RAD51B: variants seen among roughly 807,000 people sequenced by gnomAD.
RAD51B encodes RAD51 paralog B, also known as DNA repair protein RAD51 homolog 2.
In RAD51B, 38 loss-of-function variants were observed where a neutral mutation model predicts 42.2. The ratio of observed to expected loss-of-function variants is 0.90; its 90% CI spans 0.70 to 1.18. RAD51B has a LOEUF of 1.18. Ranked by LOEUF, RAD51B falls within the 50% of genes most tolerant of loss-of-function variation. The pLI, the probability that RAD51B is intolerant of heterozygous loss-of-function variation, is 0.00. For missense variants in RAD51B, 373 were observed against 400.7 expected (o/e 0.93, Z 0.59); for synonymous variants, 154 against 145.2 (o/e 1.06, Z -0.43).
intron 8 of RAD51B, among the ~76,000 whole-genome samples, chr14:68,409,809 A>T (rs2084371125): frequency 6.6e-6 from 1 of 152,262 alleles, no homozygotes; most frequent in Admixed American, 6.5e-5. Flanking sequence ...TAGGGGAATG[A>T]TGTGATCAGA....
Position 67,820,157 on chromosome 14 carries a change from C to G in RAD51B, c.-3+304C>G, listed in dbSNP as rs116503797. On this transcript the variant is annotated intron_variant, in intron 1 of 10. Coordinates refer to ENST00000471583, the MANE Select transcript of RAD51B (RefSeq NM_133510.4). ...CCCATCTTCCTCCCCAGCCCCTTCCCGCTTCGGGCAGCCTGTCATTAGGGG... is the reference window on the plus strand; with the variant it reads ...CCCATCTTCCTCCCCAGCCCCTTCCGGCTTCGGGCAGCCTGTCATTAGGGG... 1.9e-3 allele frequency among the ~76,000 whole-genome samples: 292 copies of G among 152,274 alleles called. 1 individual carries two copies. The highest frequency in any genetic ancestry group is 6.3e-3 in the African/African-American group (262 of 41,550).
intron 7 of RAD51B, among the ~76,000 whole-genome samples, chr14:68,112,420 G>T (rs1393237702): frequency 6.6e-6 from 1 of 152,064 alleles, no homozygotes; most frequent in Admixed American, 6.6e-5. Flanking sequence ...GGAGTCACTT[G>T]ATTCATAGGG....
At chr14:68,272,927 G>A (rs1188953495) in intron 7 of RAD51B, among the ~76,000 whole-genome samples, 4 of 150,972 alleles carry the variant, frequency 2.6e-5, no homozygotes, top group African/African-American at 7.3e-5. Context: ...CTGGTGATCC[G>A]CCTGCCTCGG....
At chr14:68,412,036 G>T (rs565693015) in intron 9 of RAD51B, among the ~76,000 whole-genome samples, 3 of 152,274 alleles carry the variant, frequency 2.0e-5, no homozygotes, top group South Asian at 2.1e-4. Context: ...ACCTCCAAAT[G>T]GTTGGTCACT....
intron 7 of RAD51B, among the ~76,000 whole-genome samples, chr14:68,027,908 C>A (rs2075979552): frequency 6.6e-6 from 1 of 152,158 alleles, no homozygotes; most frequent in Admixed American, 6.5e-5. Context: ...GCTTTTTGAA[C>A]TGCCAGAATT....
At chr14:67,971,070 C>G (rs2074889023) in intron 7 of RAD51B, among the ~76,000 whole-genome samples, 1 of 152,030 alleles carries the variant, frequency 6.6e-6, no homozygotes, top group African/African-American at 2.4e-5. Context: ...TATTTATAAA[C>G]ACGTATGAAA....
chr14:68,043,230 A>G (rs983931626), intron 7 of RAD51B, among the ~76,000 whole-genome samples: 28 of 152,322 alleles, frequency 1.8e-4, no homozygotes, highest in African/African-American at 6.5e-4. Context: ...CAGAAACCTG[A>G]AGACATTCTC....
chr14:68,632,063 G>A (rs1275313874), intron 10 of RAD51B, among the ~76,000 whole-genome samples: 2 of 152,114 alleles, frequency 1.3e-5, no homozygotes, highest in African/African-American at 4.8e-5. Context: ...TGCATCATGC[G>A]CCAGGCATGA....
chr14:68,634,855 G>A (rs894801138), intron 10 of RAD51B, among the ~76,000 whole-genome samples: 2 of 152,202 alleles, frequency 1.3e-5, no homozygotes, highest in Non-Finnish European at 2.9e-5. Flanking sequence ...CAGAGTATGA[G>A]GGAGGAGGAA....
At chr14:67,862,396 C>T (rs1037944365) in intron 4 of RAD51B, among the ~76,000 whole-genome samples, 3 of 149,076 alleles carry the variant, frequency 2.0e-5, no homozygotes, top group African/African-American at 5.0e-5. Context: ...GGTCATACTT[C>T]AGTAAAACTA....
At chr14:68,612,743 T>C (rs1891723363), downstream of RAD51B, among the ~76,000 whole-genome samples, 1 of 151,478 alleles carries the variant, frequency 6.6e-6, no homozygotes, top group African/African-American at 2.4e-5. Flanking sequence ...CCCTAAACAG[T>C]ACAGTTAAAA....
chr14:68,041,533 G>GACT (rs1330169144), intron 7 of RAD51B, among the ~76,000 whole-genome samples: 2 of 151,470 alleles, frequency 1.3e-5, no homozygotes, highest in Non-Finnish European at 2.9e-5. Flanking sequence ...GGAGTACCAG[G>GACT]ACTAGCCTGA....
intron 7 of RAD51B, among the ~76,000 whole-genome samples, chr14:67,929,969 T>G (rs1238457732): frequency 6.6e-6 from 1 of 152,096 alleles, no homozygotes. Context: ...TTTATTATTA[T>G]TTTTGACTTA....
intron 7 of RAD51B, among the ~76,000 whole-genome samples, chr14:67,924,625 C>T (rs904830319): frequency 1.3e-5 from 2 of 152,168 alleles, no homozygotes; most frequent in Non-Finnish European, 2.9e-5. Context: ...CATCAGATCT[C>T]GTGAGACTCA....
chr14:67,823,478 C>A, intron 1 of RAD51B, 64 bp from the exon 2 acceptor site: 2 of 1,406,704 alleles, frequency 1.4e-6, no homozygotes, highest in Non-Finnish European at 9.9e-7. Flanking sequence ...AGCCTATTCA[C>A]TATCACTTAT....
intron 7 of RAD51B, among the ~76,000 whole-genome samples, chr14:68,164,538 G>T (rs963994537): frequency 2.6e-5 from 4 of 152,166 alleles, no homozygotes; most frequent in Non-Finnish European, 1.5e-5. Flanking sequence ...AAAGCTCCGC[G>T]GGCTTTCTGG....
chr14:68,515,845 G>A (rs1886115198), intron 10 of RAD51B, among the ~76,000 whole-genome samples: 1 of 149,880 alleles, frequency 6.7e-6, no homozygotes, highest in East Asian at 1.9e-4. Flanking sequence ...GAGTGCAGTG[G>A]CATGATCTCG....
chr14:68,270,600 T>A (rs758067398), intron 7 of RAD51B, among the ~76,000 whole-genome samples: 4 of 152,202 alleles, frequency 2.6e-5, no homozygotes, highest in Non-Finnish European at 4.4e-5. Flanking sequence ...TGCAGTGTAA[T>A]TTTATGGGAA....
chr14:68,098,804 C>G (rs1170057564), intron 7 of RAD51B, among the ~76,000 whole-genome samples: 2 of 152,282 alleles, frequency 1.3e-5, no homozygotes, highest in African/African-American at 4.8e-5. Context: ...TAAGGAAATT[C>G]TAGAGCATAT....
Sources: allele counts gnomAD v4.1 joint callset (sites outside exome capture counted in the v4.1 genomes callset), GRCh38; gene constraint gnomAD v4.1.1; transcripts MANE v1.5; gene names NCBI Gene and HGNC (gene_info 2026-07-23, HGNC 2026-07-21).